The following CCDC73 variants were observed in gnomAD, a reference collection of about 807,000 sequenced individuals.
The protein encoded by CCDC73 is coiled-coil domain containing 73.
Under a neutral mutation model 116.5 loss-of-function variants are expected in CCDC73, and 95 were observed. That is an observed-to-expected ratio of 0.82 (90% CI 0.69 to 0.97). CCDC73 has a LOEUF of 0.97. Among genes scored for constraint, CCDC73 ranks in the 50% least tolerant of loss-of-function variants. The pLI is 0.00. For missense variants in CCDC73, 1,066 were observed against 1,206.8 expected, an observed-to-expected ratio of 0.88 and a Z score of 1.73; for synonymous variants, 398 against 401.3, an observed-to-expected ratio of 0.99 and a Z score of 0.10.
intron 6 of CCDC73, among the ~76,000 whole-genome samples, chr11:32,696,843 A>AT (rs1433601350): frequency 6.6e-6 from 1 of 151,748 alleles, no homozygotes; most frequent in Non-Finnish European, 1.5e-5. Flanking sequence ...TTTTTTGTTG[A>AT]TAAAAAACAC....
chr11:32,644,488 T>G (rs543690586), intron 12 of CCDC73, among the ~76,000 whole-genome samples: 1 of 152,308 alleles, frequency 6.6e-6, no homozygotes, highest in African/African-American at 2.4e-5. Context: ...AATACATATA[T>G]GTAACATAAA....
At chr11:32,669,917 A>G (rs778882453) in intron 9 of CCDC73, among the ~76,000 whole-genome samples, 1 of 152,222 alleles carries the variant, frequency 6.6e-6, no homozygotes, top group Non-Finnish European at 1.5e-5. Context: ...CAGTGCTGCA[A>G]CAAACATGGG....
chr11:32,774,333 C>A (rs1338663290), intron 1 of CCDC73, among the ~76,000 whole-genome samples: 1 of 152,142 alleles, frequency 6.6e-6, no homozygotes, highest in East Asian at 1.9e-4. Flanking sequence ...AGTCACAATG[C>A]TCCTCTATTT....
chr11:32,797,956 C>T (rs1285714484), upstream of CCDC73, among the ~76,000 whole-genome samples: 2 of 152,164 alleles, frequency 1.3e-5, no homozygotes, highest in Non-Finnish European at 2.9e-5. Flanking sequence ...GTGGAAAATG[C>T]CACACTGGAC....
intron 1 of CCDC73, among the ~76,000 whole-genome samples, chr11:32,777,017 AT>A (rs1171196141): frequency 1.5e-5 from 2 of 134,100 alleles, no homozygotes; most frequent in African/African-American, 5.7e-5. Context: ...ATATATATAT[AT>A]ATATAATTGA....
intron 7 of CCDC73, chr11:32,682,241 C>T (rs1856152401): frequency 6.6e-6 from 1 of 151,824 alleles, no homozygotes; most frequent in African/African-American, 2.4e-5. Context: ...GCACATTATT[C>T]AATTTCACTA....
chr11:32,630,385 C>T lies in CCDC73; in HGVS notation c.1185+5311G>A, dbSNP rs1157897339. ...AGGGAGATGGAGTCTCGCTCTGTTG[C>T]CCAGGCTGGAGTGCAGTGGTGGATC... is the stretch of plus-strand genomic sequence containing the variant. On this transcript the variant is annotated intron_variant, in intron 14 of 17. Transcript: ENST00000335185. 2.3e-5 allele frequency among the ~76,000 whole-genome samples: 3 copies of T among 129,360 alleles called. No individual in the cohort carries two copies. The East Asian group carries it at 5.9e-4, about 25-fold the overall frequency. 84.9% of individuals were successfully genotyped at this position (129,360 alleles called of 152,430 possible).
Position 32,781,752 on chromosome 11 carries a change from G to T in CCDC73, c.-16+12861C>A, listed in dbSNP as rs143269087. Among the ~76,000 whole-genome samples, 22 of 152,270 alleles carry T rather than the reference G, an allele frequency of 1.4e-4. No homozygotes were observed. In the East Asian group the frequency reaches 3.3e-3, roughly 23 times the overall value. Reference sequence around the variant, plus strand: ...ATATTAAATGTTGAGATACCCACCAGTCTTTCTTCTCCACAGCTCCAATAG... The same window carrying T: ...ATATTAAATGTTGAGATACCCACCATTCTTTCTTCTCCACAGCTCCAATAG... On this transcript the variant is annotated intron_variant, in intron 1 of 17. Coordinates refer to ENST00000335185, the MANE Select transcript of CCDC73 (RefSeq NM_001008391.4).
intron 12 of CCDC73, among the ~76,000 whole-genome samples, chr11:32,651,758 C>T (rs1450584391): frequency 2.0e-5 from 3 of 152,236 alleles, no homozygotes; most frequent in Non-Finnish European, 4.4e-5. Flanking sequence ...TGGTCACATA[C>T]TCATGAAACT....
chr11:32,699,961 G>T (rs1849797848), intron 5 of CCDC73, among the ~76,000 whole-genome samples: 1 of 150,344 alleles, frequency 6.7e-6, no homozygotes, highest in South Asian at 2.1e-4. Flanking sequence ...CCTTCCATCT[G>T]TACTACAAAT....
the CCDC73 span, chr11:32,830,085 C>G: frequency 2.0e-6 from 2 of 990,050 alleles, no homozygotes; most frequent in Non-Finnish European, 2.4e-6. Flanking sequence ...TTTGAGGGCG[C>G]CGGAGACCGA....
chr11:32,736,470 C>G (rs1248268156), intron 2 of CCDC73, among the ~76,000 whole-genome samples: 1 of 152,202 alleles, frequency 6.6e-6, no homozygotes, highest in Non-Finnish European at 1.5e-5. Flanking sequence ...GATACCATCT[C>G]ACATCAGTTA....
intron 6 of CCDC73, among the ~76,000 whole-genome samples, chr11:32,687,960 G>A (rs1202729573): frequency 6.6e-6 from 1 of 151,994 alleles, no homozygotes; most frequent in Non-Finnish European, 1.5e-5. Context: ...ACTCCCACTG[G>A]CCAAACCAAG....
intron 6 of CCDC73, among the ~76,000 whole-genome samples, chr11:32,690,308 A>G (rs1047416348): frequency 6.6e-6 from 1 of 152,230 alleles, no homozygotes; most frequent in African/African-American, 2.4e-5. Context: ...ATGATTTTTA[A>G]AAGAATTTTT....
chr11:32,755,609 ATGTG>A (rs200802350), intron 2 of CCDC73, among the ~76,000 whole-genome samples: 1 of 60,206 alleles, frequency 1.7e-5, no homozygotes, highest in African/African-American at 6.7e-5. Context: ...ATCCATATAT[ATGTG>A]TGTGTATATA....
At chr11:32,798,098 T>A (rs1200068979), upstream of CCDC73, among the ~76,000 whole-genome samples, 1 of 152,210 alleles carries the variant, frequency 6.6e-6, no homozygotes, top group Admixed American at 6.5e-5. Context: ...TAGATTTGGG[T>A]CTCTAACCCA....
At chr11:32,710,306 T>G (rs1056064079) in intron 3 of CCDC73, among the ~76,000 whole-genome samples, 1 of 152,170 alleles carries the variant, frequency 6.6e-6, no homozygotes, top group Non-Finnish European at 1.5e-5. Context: ...TCAGACTTTT[T>G]GATACAGGCA....
chr11:32,621,118 A>G (rs1565058469), intron 14 of CCDC73, among the ~76,000 whole-genome samples: 1 of 152,190 alleles, frequency 6.6e-6, no homozygotes, highest in Non-Finnish European at 1.5e-5. Flanking sequence ...TATAGATTCA[A>G]TGCTATTCCC....
chr11:32,622,900 A>C (rs928838552), intron 14 of CCDC73, among the ~76,000 whole-genome samples: 2 of 152,098 alleles, frequency 1.3e-5, no homozygotes, highest in African/African-American at 4.8e-5. Flanking sequence ...GAAAAGGAAA[A>C]GATAACTCAA....
Sources: gnomAD v4.1 joint callset for allele counts (sites outside exome capture counted in the v4.1 genomes callset) on GRCh38, gnomAD v4.1.1 for gene constraint, MANE v1.5 for transcripts, NCBI Gene and HGNC (gene_info 2026-07-23, HGNC 2026-07-21) for gene names.